POU2F1: variants seen among roughly 807,000 people sequenced by gnomAD.
POU2F1 encodes POU class 2 homeobox 1.
A neutral mutation model predicts 84.9 loss-of-function variants in POU2F1; 16 were observed. The ratio of observed to expected loss-of-function variants is 0.19; its 90% confidence interval spans 0.13 to 0.29. The LOEUF (loss-of-function observed/expected upper bound fraction) is 0.29. Among genes scored for constraint, POU2F1 ranks in the 10% least tolerant of loss-of-function variants. The pLI, the probability that POU2F1 is intolerant of heterozygous loss-of-function variation, is 1.00. For missense variants in POU2F1, 738 were observed against 942.6 expected, an observed-to-expected ratio of 0.78 and a Z score of 2.84; for synonymous variants, 368 against 368.3, an observed-to-expected ratio of 1.00 and a Z score of 0.01.
rs1650761152 is a variant in POU2F1, at chr1:167,423,411, TG to T, written c.*7603del. ...TTATTGTTCTGACATTATGTAAAGG[TG>T]GTATTAATATTGTATGACTTGTCAA... On this transcript the variant is annotated 3_prime_UTR_variant, in exon 16 of 16. Coordinates refer to ENST00000367866, the MANE Select transcript of POU2F1 (RefSeq NM_002697.4). The T allele has an allele frequency of 6.6e-6, 1 of 152,166 alleles. No individual in the cohort carries two copies. Among genetic ancestry groups the T allele is most frequent in the African/African-American group, 2.4e-5 (1 of 41,414 alleles). The allele number at this position is 152,166 out of a possible 1,614,324, so 9.4% of individuals were successfully genotyped here. A position where few individuals can be genotyped will look rare whatever the true frequency, so the allele number is the denominator to read the frequency against.
chr1:167,257,197 C>T (rs1386959661), intron 1 of POU2F1, among the ~76,000 whole-genome samples: 1 of 152,168 alleles, frequency 6.6e-6, no homozygotes, highest in Non-Finnish European at 1.5e-5. Context: ...AATGGTCTCT[C>T]ACTTTAAAAT....
intron 13 of POU2F1, among the ~76,000 whole-genome samples, chr1:167,409,549 A>G (rs1649814657): frequency 6.6e-6 from 1 of 152,238 alleles, no homozygotes; most frequent in African/African-American, 2.4e-5. Context: ...TAATTTGAAG[A>G]TAATTTTAAG....
intron 1 of POU2F1, among the ~76,000 whole-genome samples, chr1:167,276,961 G>A (rs1023724034): frequency 6.6e-6 from 1 of 152,164 alleles, no homozygotes; most frequent in Non-Finnish European, 1.5e-5. Context: ...AGTAGAATGT[G>A]CTCTTGTTGC....
At chr1:167,336,546 A>G (rs181546145) in intron 2 of POU2F1, among the ~76,000 whole-genome samples, 3 of 152,196 alleles carry the variant, frequency 2.0e-5, no homozygotes. Context: ...TATAGGAAAA[A>G]TTTGAATTGC....
intron 2 of POU2F1, among the ~76,000 whole-genome samples, chr1:167,351,514 C>A (rs1658562486): frequency 3.7e-5 from 2 of 54,720 alleles, no homozygotes; most frequent in Non-Finnish European, 3.3e-5. Context: ...AATGAAGCAC[C>A]ATCTCAAAAA....
chr1:167,413,125 GC>G lies in POU2F1; in HGVS notation c.1990+13del, dbSNP rs1355696764. On this transcript the variant is annotated intron_variant, in intron 15 of 15. Coordinates refer to ENST00000367866, the MANE Select transcript of POU2F1 (RefSeq NM_002697.4). ...TGGCAACTATTCAAGGTCAGTAGAA[GC>G]CTTTTTCTTAATTTGGTGGCATGCA... 1.9e-6 allele frequency: 3 copies of G among 1,604,430 alleles called. No individual in the cohort carries two copies. Among genetic ancestry groups the G allele is most frequent in the Non-Finnish European group, 2.6e-6 (3 of 1,171,866 alleles).
At chr1:167,352,748 C>A (rs183055468) in intron 2 of POU2F1, among the ~76,000 whole-genome samples, 25 of 152,266 alleles carry the variant, frequency 1.6e-4, no homozygotes, top group Middle Eastern at 3.4e-3. Flanking sequence ...TTGAATCTGG[C>A]TGCTTTTACT....
intron 13 of POU2F1, 61 bp downstream of exon 13, chr1:167,401,617 TA>T: frequency 9.1e-7 from 1 of 1,097,156 alleles, no homozygotes; most frequent in Non-Finnish European, 1.3e-6. Context: ...TGGGTTATTA[TA>T]AGAGTCTACC....
At chr1:167,384,509 A>C (rs546951736) in intron 8 of POU2F1, among the ~76,000 whole-genome samples, 1 of 152,110 alleles carries the variant, frequency 6.6e-6, no homozygotes, top group East Asian at 1.9e-4. Flanking sequence ...TCTGGACCTC[A>C]GTCTTCTCAT....
chr1:167,278,706 C>T (rs985588010), intron 1 of POU2F1, among the ~76,000 whole-genome samples: 3 of 152,172 alleles, frequency 2.0e-5, no homozygotes, highest in Non-Finnish European at 4.4e-5. Context: ...AAAAAAGATA[C>T]GTTGACTTAG....
chr1:167,407,737 C>T lies in POU2F1; in HGVS notation c.1556-4222C>T, dbSNP rs181446639. On this transcript the variant is annotated intron_variant, in intron 13 of 15. Coordinates refer to ENST00000367866, the MANE Select transcript of POU2F1 (RefSeq NM_002697.4). ...AGGAATTTAGATCCTTACCTTACAC[C>T]GTGCATAAAAATTAACTGAAATGGA... 1.1e-3 allele frequency among the ~76,000 whole-genome samples: 173 copies of T among 152,008 alleles called. 1 individual carries two copies. The highest frequency in any genetic ancestry group is 4.0e-3 in the African/African-American group (167 of 41,486).
intron 1 of POU2F1, among the ~76,000 whole-genome samples, chr1:167,221,709 G>GGGGA (rs1648205854): frequency 1.3e-5 from 2 of 151,466 alleles, no homozygotes; most frequent in Admixed American, 1.3e-4. Flanking sequence ...CAATGTGGTG[G>GGGGA]CCTGACCCAA....
At chr1:167,303,153 T>TA in intron 1 of POU2F1, among the ~76,000 whole-genome samples, 1 of 152,098 alleles carries the variant, frequency 6.6e-6, no homozygotes, top group Non-Finnish European at 1.5e-5. Context: ...TTTTTTTTTT[T>TA]ATGTTAGTGA....
intron 2 of POU2F1, among the ~76,000 whole-genome samples, chr1:167,360,805 A>G (rs1659306436): frequency 6.6e-6 from 1 of 152,074 alleles, no homozygotes; most frequent in Non-Finnish European, 1.5e-5. Context: ...TTTTAAAGGT[A>G]TTGATTTTTC....
At chr1:167,221,023 C>A in intron 1 of POU2F1, 65 bp downstream of exon 1, 3 of 1,345,258 alleles carry the variant, frequency 2.2e-6, no homozygotes, top group Non-Finnish European at 3.1e-6. Flanking sequence ...TGCCCCCCCC[C>A]GCGACTTAGC....
chr1:167,390,373 TTATTTG>T (rs1266508130), intron 9 of POU2F1, among the ~76,000 whole-genome samples: 1 of 152,254 alleles, frequency 6.6e-6, no homozygotes, highest in Non-Finnish European at 1.5e-5. Context: ...GAGGATTTTG[TTATTTG>T]AAGAATATCT....
In POU2F1 at chr1:167,396,267, T is replaced by C. The variant is rs1473318596; in HGVS notation, c.988-19T>C. On this transcript the variant is annotated intron_variant, in intron 9 of 15. Coordinates refer to ENST00000367866, the MANE Select transcript of POU2F1 (RefSeq NM_002697.4). Reference sequence around the variant, plus strand: ...CTCTGTCTTTCCTCTCCTCTTCTCCTGCTCTGTATTGTGTGTAGGGTGATG... The same window carrying C: ...CTCTGTCTTTCCTCTCCTCTTCTCCCGCTCTGTATTGTGTGTAGGGTGATG... 6.2e-7 allele frequency: 1 copy of C among 1,612,510 alleles called. No individual in the cohort carries two copies.
At chr1:167,284,675 A>G (rs1653395650) in intron 1 of POU2F1, among the ~76,000 whole-genome samples, 1 of 152,164 alleles carries the variant, frequency 6.6e-6, no homozygotes. Context: ...TTTTATGTCA[A>G]TATTAGATTA....
chr1:167,413,057 CTGAGCGGTGCTCTCAGCCCAGCTCTAA>C lies in POU2F1; in HGVS notation c.1939_1965del (p.Gly647_Ser655del), dbSNP rs773643432. 6.2e-7 allele frequency: 1 copy of C among 1,614,170 alleles called. No homozygotes were observed. The highest frequency in any genetic ancestry group is 8.5e-7 in the Non-Finnish European group (1 of 1,180,012). On this transcript the variant is annotated inframe_deletion, in exon 15 of 16. Coordinates refer to ENST00000367866, the MANE Select transcript of POU2F1 (RefSeq NM_002697.4). ...CTTACTCAGTCTGAATCCAGGGACCCTGAGCGGTGCTCTCAGCCCAGCTCTAATGAGCAACAGTACACTGGCAACTAT... is the reference window on the plus strand; with the variant it reads ...CTTACTCAGTCTGAATCCAGGGACCCTGAGCAACAGTACACTGGCAACTAT...
Sources: gnomAD v4.1 joint callset for allele counts (sites outside exome capture counted in the v4.1 genomes callset) on GRCh38, gnomAD v4.1.1 for gene constraint, MANE v1.5 for transcripts, NCBI Gene and HGNC (gene_info 2026-07-23, HGNC 2026-07-21) for gene names.